Variants in STX16 observed in about 807,000 individuals in gnomAD.
STX16 encodes syntaxin-16.
In STX16, 28 loss-of-function variants were observed where a neutral mutation model predicts 42.7. The ratio of observed to expected loss-of-function variants is 0.66; its 90% CI spans 0.49 to 0.90. The LOEUF (loss-of-function observed/expected upper bound fraction) is 0.90, where lower values mean the gene tolerates loss of function less well. STX16 is among the 40% of genes least tolerant of loss of function. The pLI is 0.00. For synonymous variants in STX16, 156 were observed against 155.2 expected, an observed-to-expected ratio of 1.00 and a Z score of -0.04; for missense variants, 361 against 420.9, an observed-to-expected ratio of 0.86 and a Z score of 1.24.
intron 2 of STX16, among the ~76,000 whole-genome samples, chr20:58,666,092 CT>C (rs2083820199): frequency 6.6e-6 from 1 of 151,800 alleles, no homozygotes; most frequent in Non-Finnish European, 1.5e-5. Context: ...TGTCTTGTTC[CT>C]TTATTATTAG....
intron 1 of STX16, among the ~76,000 whole-genome samples, chr20:58,658,282 G>T (rs1030713564): frequency 1.3e-5 from 2 of 152,100 alleles, no homozygotes; most frequent in East Asian, 1.9e-4. Context: ...ATTAATAAAA[G>T]ATTTTAATGT....
intron 1 of STX16, 122 bp downstream of exon 1, chr20:58,652,260 A>T: frequency 1.4e-6 from 2 of 1,404,888 alleles, no homozygotes; most frequent in Non-Finnish European, 1.9e-6. Context: ...ACTAAGAATA[A>T]TAAGATCTCT....
intron 2 of STX16, among the ~76,000 whole-genome samples, chr20:58,664,961 A>G (rs930513504): frequency 1.3e-5 from 2 of 152,214 alleles, no homozygotes; most frequent in Non-Finnish European, 2.9e-5. Flanking sequence ...GCAATTTTAG[A>G]TTTTACTTTG....
At chr20:58,653,355 C>T (rs2083516125) in intron 1 of STX16, among the ~76,000 whole-genome samples, 1 of 152,080 alleles carries the variant, frequency 6.6e-6, no homozygotes, top group Non-Finnish European at 1.5e-5. Flanking sequence ...TTTTGTAAGT[C>T]ACAGGTGGAG....
Position 58,651,731 on chromosome 20 carries a change from C to A in STX16, c.-276C>A. On this transcript the variant is annotated 5_prime_UTR_variant, in exon 1 of 9. Transcript: ENST00000371141. ...GGGTGGGGTCTCTGGGACGTTGGAT[C>A]GCTACGCAAGGATTGGGGGGATTCA... 2.9e-6 allele frequency: 1 copy of A among 349,460 alleles called. No homozygotes were observed. 21.6% of individuals were successfully genotyped at this position (349,460 alleles called of 1,614,324 possible). A position where few individuals can be genotyped will look rare whatever the true frequency, so the allele number is the denominator to read the frequency against.
At chr20:58,665,277 C>T (rs950579447) in intron 2 of STX16, among the ~76,000 whole-genome samples, 1 of 152,248 alleles carries the variant, frequency 6.6e-6, no homozygotes. Flanking sequence ...ACTAACGTCA[C>T]TCACTGGCGG....
intron 8 of STX16, among the ~76,000 whole-genome samples, chr20:58,675,781 G>A (rs2084101825): frequency 6.6e-6 from 1 of 152,174 alleles, no homozygotes; most frequent in Admixed American, 6.5e-5. Context: ...TTCCTTCCGC[G>A]GTGAAGGAAC....
At chr20:58,664,999 T>G (rs1464054301) in intron 2 of STX16, among the ~76,000 whole-genome samples, 1 of 152,228 alleles carries the variant, frequency 6.6e-6, no homozygotes, top group East Asian at 1.9e-4. Flanking sequence ...CAAGTTCTGT[T>G]CCAGTCCAGC....
At chr20:58,653,430 A>G (rs2083517768) in intron 1 of STX16, among the ~76,000 whole-genome samples, 1 of 152,246 alleles carries the variant, frequency 6.6e-6, no homozygotes, top group Admixed American at 6.5e-5. Flanking sequence ...TTCAGGAATA[A>G]AAGCATGTAA....
intron 6 of STX16, 73 bp downstream of exon 6, chr20:58,670,676 C>T (rs1601039716): frequency 8.8e-6 from 11 of 1,251,048 alleles, no homozygotes; most frequent in Non-Finnish European, 1.3e-5. Context: ...TCCTAGACCT[C>T]GATCTTCTGT....
intron 8 of STX16, among the ~76,000 whole-genome samples, chr20:58,674,852 T>G (rs1264597617): frequency 1.3e-5 from 2 of 152,246 alleles, no homozygotes; most frequent in African/African-American, 4.8e-5. Flanking sequence ...TTTTGAAGTT[T>G]CTTAAATAAA....
chr20:58,667,985 A>G lies in STX16; in HGVS notation c.253-2A>G. ...TGGAGTTCTGTGACTTCATTTGCTTAGATTCAGTATGATGTTGGCCGGATT... is the reference window on the plus strand; with the variant it reads ...TGGAGTTCTGTGACTTCATTTGCTTGGATTCAGTATGATGTTGGCCGGATT... On this transcript the variant is annotated splice_acceptor_variant, in intron 3 of 8. Coordinates refer to ENST00000371141, the MANE Select transcript of STX16 (RefSeq NM_001001433.3). LOFTEE classifies it high-confidence loss of function. 2 of 1,614,258 alleles carry G rather than the reference A, an allele frequency of 1.2e-6. No homozygotes were observed.
intron 2 of STX16, among the ~76,000 whole-genome samples, chr20:58,666,452 G>T (rs969316083): frequency 9.9e-5 from 13 of 131,112 alleles, no homozygotes; most frequent in African/African-American, 3.7e-4. Flanking sequence ...TTTTGAGACA[G>T]AGTTTCGCTC....
At chr20:58,673,796 C>A (rs778852450) in intron 8 of STX16, 85 bp downstream of exon 8, 44 of 961,512 alleles carry the variant, frequency 4.6e-5, no homozygotes, top group Non-Finnish European at 5.7e-5. Context: ...TCCACCATAA[C>A]GATCTTCAGC....
chr20:58,653,776 A>C (rs2083525975), intron 1 of STX16, among the ~76,000 whole-genome samples: 1 of 152,170 alleles, frequency 6.6e-6, no homozygotes. Flanking sequence ...TATCAGTTTT[A>C]ATTGAAAAAC....
Position 58,657,829 on chromosome 20 carries a change from A to T in STX16, c.133-1794A>T, listed in dbSNP as rs955529361. On this transcript the variant is annotated intron_variant, in intron 1 of 8. Coordinates refer to ENST00000371141, the MANE Select transcript of STX16 (RefSeq NM_001001433.3). The surrounding 1 kb of genome is among the most constrained non-coding windows in gnomAD (Gnocchi z 4.2). ...TCTTTGAAAAGGTGACCTTAATTTA[A>T]TATTCCTGATGTGGTGGTAGCTGCC... Among the ~76,000 whole-genome samples the T allele has an allele frequency of 2.6e-5, 4 of 152,106 alleles. No individual in the cohort carries two copies. The highest frequency in any genetic ancestry group is 1.3e-4 in the Admixed American group (2 of 15,270).
chr20:58,674,836 C>T (rs2084064887), intron 8 of STX16, among the ~76,000 whole-genome samples: 2 of 152,104 alleles, frequency 1.3e-5, no homozygotes. Context: ...CTGAATTATG[C>T]ATTGGTTTTG....
At chr20:58,666,423 G>GTTTT (rs5842238) in intron 2 of STX16, among the ~76,000 whole-genome samples, 6 of 79,720 alleles carry the variant, frequency 7.5e-5, no homozygotes, top group South Asian at 4.7e-4. Context: ...GTGTGTGTGT[G>GTTTT]TTTTTTTTTT....
intron 2 of STX16, chr20:58,667,248 G>C (rs191767573): frequency 1.7e-6 from 1 of 606,022 alleles, no homozygotes; most frequent in Admixed American, 2.1e-5. Flanking sequence ...AGGAAATTAA[G>C]AGCTGGTGCA....
Sources: allele counts gnomAD v4.1 joint callset (sites outside exome capture counted in the v4.1 genomes callset), GRCh38; gene constraint gnomAD v4.1.1; non-coding constraint Gnocchi (gnomAD v3.1); transcripts MANE v1.5; gene names NCBI Gene and HGNC (gene_info 2026-07-23, HGNC 2026-07-21).